CDC14A: variants seen among roughly 807,000 people sequenced by gnomAD.
The protein encoded by CDC14A is dual specificity protein phosphatase CDC14A.
CDC14A carries 53 observed loss-of-function variants against 74.4 expected under a neutral mutation model. That is an observed-to-expected ratio of 0.71 (90% CI 0.57 to 0.89). CDC14A has a LOEUF of 0.89. CDC14A is among the 40% of genes least tolerant of loss of function. The pLI, the probability that CDC14A is intolerant of heterozygous loss-of-function variation, is 0.00. For missense variants in CDC14A, 646 were observed against 713.7 expected, an observed-to-expected ratio of 0.91 and a Z score of 1.08; for synonymous variants, 247 against 258.4, an observed-to-expected ratio of 0.96 and a Z score of 0.43.
chr1:100,423,289 T>C (rs961622531), intron 4 of CDC14A, among the ~76,000 whole-genome samples: 1 of 152,162 alleles, frequency 6.6e-6, no homozygotes, highest in Non-Finnish European at 1.5e-5. Flanking sequence ...TTCTCATGCC[T>C]GGATAGCCAT....
At chr1:100,439,846 C>T (rs1664734341) in intron 5 of CDC14A, 86 bp from the exon 6 acceptor site, 1 of 897,790 alleles carries the variant, frequency 1.1e-6, no homozygotes, top group Non-Finnish European at 1.8e-6. Context: ...CAAACAAGCA[C>T]ATCTCCAGCT....
At position 100,352,821 on chromosome 1, in the gene CDC14A, C is replaced by T. The variant is rs1570930629; in HGVS notation, c.-134C>T. On this transcript the variant is annotated 5_prime_UTR_variant, in exon 1 of 16. Transcript: ENST00000336454. ...CCGAAGCCGCCTCCGCCTTCGGCGC[C>T]TGCTGCCTCCCTCGGCCAGGCTTGT... is the stretch of plus-strand genomic sequence containing the variant. 6.7e-7 allele frequency: 1 copy of T among 1,484,600 alleles called. No homozygotes were observed. The highest frequency in any genetic ancestry group is 8.9e-7 in the Non-Finnish European group (1 of 1,122,720). The allele number at this position is 1,484,600 out of a possible 1,614,324, so 92.0% of individuals were successfully genotyped here.
intron 4 of CDC14A, among the ~76,000 whole-genome samples, chr1:100,419,468 A>G (rs748469963): frequency 2.6e-5 from 4 of 152,220 alleles, no homozygotes; most frequent in Non-Finnish European, 5.9e-5. Context: ...CCCATCCTCA[A>G]TTGCAGTTTT....
chr1:100,388,155 T>G (rs950462484), intron 3 of CDC14A, among the ~76,000 whole-genome samples: 1 of 152,020 alleles, frequency 6.6e-6, no homozygotes, highest in Non-Finnish European at 1.5e-5. Context: ...GTCCCTATGC[T>G]CAGTCTGACT....
chr1:100,374,491 C>T lies in CDC14A; in HGVS notation c.141-3055C>T, dbSNP rs142055118. ...TGTTGTTTCCTGACTTTTTAATGAT[C>T]GCCATTCTAACTGGTGTGAGATGGT... is the stretch of plus-strand genomic sequence containing the variant. On this transcript the variant is annotated intron_variant, in intron 2 of 15. Transcript: ENST00000336454. Among the ~76,000 whole-genome samples, 593 of 152,268 alleles carry T rather than the reference C, an allele frequency of 3.9e-3. 3 individuals carry two copies. The highest frequency in any genetic ancestry group is 0.013 in the African/African-American group (557 of 41,540).
intron 11 of CDC14A, among the ~76,000 whole-genome samples, chr1:100,487,970 A>G (rs1670211651): frequency 6.6e-6 from 1 of 152,194 alleles, no homozygotes; most frequent in Non-Finnish European, 1.5e-5. Flanking sequence ...CTTAATAAGT[A>G]TTATGTGAAT....
rs764984985 is a variant in CDC14A, at chr1:100,508,958, C to T, written c.1756-9293C>T. ...CATCCAGAGGGTAGTTTGGAGTGTA[C>T]CATCTCGACATGAAGTAGGTCCAGT... On this transcript the variant is annotated intron_variant, in intron 15 of 15. Transcript: ENST00000336454. This position sits in a 1 kb window ranked among gnomAD's most constrained non-coding sequence, Gnocchi z 4.4. Among the ~76,000 whole-genome samples the T allele has an allele frequency of 2.4e-4, 37 of 152,112 alleles. No individual in the cohort carries two copies. The highest frequency in any genetic ancestry group is 3.7e-4 in the Non-Finnish European group (25 of 68,012).
chr1:100,465,414 G>T (rs1264578263), intron 9 of CDC14A, among the ~76,000 whole-genome samples: 5 of 152,074 alleles, frequency 3.3e-5, no homozygotes, highest in East Asian at 1.9e-4. Context: ...CTTTTATAAG[G>T]ATTACACCTT....
At chr1:100,389,473 A>ATG (rs1553173951) in intron 3 of CDC14A, among the ~76,000 whole-genome samples, 11 of 148,838 alleles carry the variant, frequency 7.4e-5, no homozygotes, top group African/African-American at 2.8e-4. Context: ...ATATATATAT[A>ATG]TGTGTATATA....
intron 2 of CDC14A, among the ~76,000 whole-genome samples, chr1:100,367,497 C>CTAT (rs1570968949): frequency 1.3e-5 from 2 of 152,198 alleles, no homozygotes; most frequent in East Asian, 3.9e-4. Context: ...ATGATCTTGA[C>CTAT]ATTTAAAAAT....
chr1:100,440,720 A>G (rs1664837127), intron 6 of CDC14A, among the ~76,000 whole-genome samples: 2 of 152,196 alleles, frequency 1.3e-5, no homozygotes, highest in African/African-American at 4.8e-5. Context: ...CATGGACTAT[A>G]AATATATTAT....
chr1:100,429,885 C>G (rs1190031875), intron 5 of CDC14A, among the ~76,000 whole-genome samples: 2 of 151,698 alleles, frequency 1.3e-5, no homozygotes, highest in Non-Finnish European at 2.9e-5. Flanking sequence ...ACCTGTTTAG[C>G]TCTGTATAAC....
intron 7 of CDC14A, among the ~76,000 whole-genome samples, chr1:100,453,890 C>T (rs1326184360): frequency 6.6e-6 from 1 of 152,212 alleles, no homozygotes; most frequent in Non-Finnish European, 1.5e-5. Context: ...GATTCACCTG[C>T]ATTGGCCTCC....
intron 10 of CDC14A, among the ~76,000 whole-genome samples, chr1:100,483,945 T>A (rs1325907080): frequency 6.6e-6 from 1 of 152,166 alleles, no homozygotes; most frequent in African/African-American, 2.4e-5. Context: ...GCATATCAAA[T>A]TGCTATTTGA....
At chr1:100,493,813 T>C (rs1647366286) in intron 11 of CDC14A, among the ~76,000 whole-genome samples, 1 of 152,222 alleles carries the variant, frequency 6.6e-6, no homozygotes, top group Non-Finnish European at 1.5e-5. Context: ...ATCTTTTTAC[T>C]GTGGAACCCA....
At chr1:100,510,972 T>TA (rs1649726260) in intron 15 of CDC14A, among the ~76,000 whole-genome samples, 1 of 152,234 alleles carries the variant, frequency 6.6e-6, no homozygotes. Context: ...TAATTTCCTC[T>TA]AACTTCCCTC....
intron 4 of CDC14A, among the ~76,000 whole-genome samples, chr1:100,412,716 AT>A (rs1660932940): frequency 9.7e-6 from 1 of 102,830 alleles, no homozygotes; most frequent in African/African-American, 6.4e-5. Context: ...ATATATATAT[AT>A]ATATATTTTA....
rs150255667 is a variant in CDC14A, at chr1:100,441,833, C to T, written c.457-1101C>T. On this transcript the variant is annotated intron_variant, in intron 6 of 15. Coordinates refer to ENST00000336454, the MANE Select transcript of CDC14A (RefSeq NM_003672.4). Reference sequence around the variant, plus strand: ...TGATTTGATAGTTCTGGGGTGGGGCCCAGGAGTCTGCTTCTTTCATATGAA... The same window carrying T: ...TGATTTGATAGTTCTGGGGTGGGGCTCAGGAGTCTGCTTCTTTCATATGAA... Among the ~76,000 whole-genome samples the T allele has an allele frequency of 1.1e-4, 17 of 152,036 alleles. No homozygotes were observed. In the East Asian group the frequency reaches 3.3e-3, roughly 29 times the overall value.
chr1:100,501,386 A>AC (rs1648708701), intron 15 of CDC14A, among the ~76,000 whole-genome samples: 1 of 152,168 alleles, frequency 6.6e-6, no homozygotes, highest in East Asian at 1.9e-4. Context: ...TCAATAACAG[A>AC]CCATGTATAC....
Sources: gnomAD v4.1 joint callset for allele counts (sites outside exome capture counted in the v4.1 genomes callset) on GRCh38, gnomAD v4.1.1 for gene constraint, Gnocchi (gnomAD v3.1) non-coding constraint, MANE v1.5 for transcripts, NCBI Gene and HGNC (gene_info 2026-07-23, HGNC 2026-07-21) for gene names.